EFHC1: variants seen among roughly 807,000 people sequenced by gnomAD.
EFHC1 encodes EF-hand domain-containing protein 1.
In EFHC1, 53 loss-of-function variants were observed where a neutral mutation model predicts 69.9. That is an observed-to-expected ratio of 0.76 (90% CI 0.61 to 0.95). EFHC1 has a LOEUF of 0.95. EFHC1 is among the 40% of genes least tolerant of loss of function. The pLI is 0.00. For missense variants in EFHC1, 739 were observed against 798.7 expected (o/e 0.93, Z 0.90); for synonymous variants, 256 against 278.4 (o/e 0.92, Z 0.80).
intron 1 of EFHC1, 146 bp downstream of exon 1, chr6:52,420,619 G>T: frequency 9.7e-7 from 1 of 1,033,696 alleles, no homozygotes; most frequent in East Asian, 2.6e-5. Flanking sequence ...TCTTTATTCT[G>T]GGCCGAACTT....
rs969386061 is a variant in EFHC1 at position 52,494,691 on chromosome 6, C to G, written c.*2350C>G. 5.1e-5 allele frequency: 23 copies of G among 453,856 alleles called. No homozygotes were observed. The highest frequency in any genetic ancestry group is 2.1e-4 in the Admixed American group (9 of 42,536). The allele number at this position is 453,856 out of a possible 1,614,324, so 28.1% of individuals were successfully genotyped here. On this transcript the variant is annotated 3_prime_UTR_variant, in exon 11 of 11. Transcript: ENST00000371068. ...GTAAGTAGTTTTTCCACACATACCCCCTCCTTCCCTTCCCACTCTGGTAGT... is the reference window on the plus strand; with the variant it reads ...GTAAGTAGTTTTTCCACACATACCCGCTCCTTCCCTTCCCACTCTGGTAGT...
chr6:52,491,473 T>C (rs1331628178), intron 10 of EFHC1, among the ~76,000 whole-genome samples: 1 of 152,216 alleles, frequency 6.6e-6, no homozygotes, highest in Non-Finnish European at 1.5e-5. Flanking sequence ...GCCTGCTATT[T>C]AAAAAGTCTT....
In EFHC1 at chr6:52,494,063, C is replaced by T. The variant is rs564653215; in HGVS notation, c.*1722C>T. 5.7e-4 allele frequency: 237 copies of T among 419,270 alleles called. 1 individual carries two copies. The highest frequency in any genetic ancestry group is 2.6e-3 in the African/African-American group (100 of 39,142). The allele number at this position is 419,270 out of a possible 1,614,324, so 26.0% of individuals were successfully genotyped here. ...TGTTTTGTTTTGTTTTACCCTCAGT[C>T]GCTCATAACTATTTAAAACAGTATC... On this transcript the variant is annotated 3_prime_UTR_variant, in exon 11 of 11. Transcript: ENST00000371068.
chr6:52,495,644 G>A lies in EFHC1; in HGVS notation c.*3303G>A, dbSNP rs1216701646. On this transcript the variant is annotated 3_prime_UTR_variant, in exon 11 of 11. Coordinates refer to ENST00000371068, the MANE Select transcript of EFHC1 (RefSeq NM_018100.4). ...TTACTCTGTTGCCAGACTGGAATGC[G>A]GTGGTGTGACCATAGCTCACTGCAG... The A allele has an allele frequency of 4.4e-6, 2 of 451,200 alleles. No homozygotes were observed. The highest frequency in any genetic ancestry group is 2.4e-5 in the Admixed American group (1 of 42,426). The allele number at this position is 451,200 out of a possible 1,614,324, so 27.9% of individuals were successfully genotyped here.
intron 5 of EFHC1, among the ~76,000 whole-genome samples, chr6:52,461,908 A>G (rs1451898158): frequency 6.6e-6 from 1 of 152,178 alleles, no homozygotes; most frequent in Non-Finnish European, 1.5e-5. Context: ...ATAATTCTAA[A>G]CTTGAATGCA....
chr6:52,470,060 CATTTT>C (rs1562459002), intron 7 of EFHC1, among the ~76,000 whole-genome samples: 1 of 152,040 alleles, frequency 6.6e-6, no homozygotes, highest in Non-Finnish European at 1.5e-5. Flanking sequence ...GGAACCTAAC[CATTTT>C]ATTAGAAATA....
chr6:52,469,244 G>T, intron 6 of EFHC1, 89 bp from the exon 7 acceptor site: 1 of 1,501,820 alleles, frequency 6.7e-7, no homozygotes. Flanking sequence ...GTATTTTCTA[G>T]AGTTTTTTCT....
At chr6:52,490,098 G>A (rs1401512213) in intron 9 of EFHC1, 42 bp from the exon 10 acceptor site, 1 of 1,579,856 alleles carries the variant, frequency 6.3e-7, no homozygotes. Flanking sequence ...GACTGATCAA[G>A]AATAAATACC....
At chr6:52,428,239 C>T (rs1764342448) in intron 2 of EFHC1, 2 of 152,092 alleles carry the variant, frequency 1.3e-5, no homozygotes, top group Admixed American at 1.3e-4. Context: ...TGTTTGGTTA[C>T]ATGAGTAAGT....
At chr6:52,443,059 G>C (rs546124823) in intron 3 of EFHC1, among the ~76,000 whole-genome samples, 1 of 152,280 alleles carries the variant, frequency 6.6e-6, no homozygotes, top group Non-Finnish European at 1.5e-5. Flanking sequence ...ATTTTTTCAC[G>C]TATCTGTTGG....
intron 7 of EFHC1, among the ~76,000 whole-genome samples, chr6:52,469,974 G>A (rs1765398280): frequency 6.6e-6 from 1 of 152,138 alleles, no homozygotes; most frequent in South Asian, 2.1e-4. Flanking sequence ...CCATTAATTA[G>A]CAGAATTGTA....
At chr6:52,422,121 G>A (rs1039014892) in intron 1 of EFHC1, among the ~76,000 whole-genome samples, 1 of 152,138 alleles carries the variant, frequency 6.6e-6, no homozygotes, top group African/African-American at 2.4e-5. Context: ...AATTTTTAAA[G>A]GGGAGTGGGA....
chr6:52,463,553 C>T (rs1214620877), intron 5 of EFHC1, among the ~76,000 whole-genome samples: 4 of 152,072 alleles, frequency 2.6e-5, no homozygotes, highest in Admixed American at 1.3e-4. Context: ...TTAAAAAGGC[C>T]AGTGAAACCA....
chr6:52,454,306 A>T lies in EFHC1; in HGVS notation c.916+19A>T. The T allele has an allele frequency of 2.5e-6, 4 of 1,613,916 alleles. No homozygotes were observed. The highest frequency in any genetic ancestry group is 3.4e-6 in the Non-Finnish European group (4 of 1,179,814). Reference sequence around the variant, plus strand: ...AATGCAAGTATGTTTGATTCAGTTTATTCTCTGTTACTTGGGATGTTTTTA... The same window carrying T: ...AATGCAAGTATGTTTGATTCAGTTTTTTCTCTGTTACTTGGGATGTTTTTA... On this transcript the variant is annotated intron_variant, in intron 5 of 10. Transcript: ENST00000371068.
chr6:52,449,796 G>A (rs927052258), intron 3 of EFHC1, among the ~76,000 whole-genome samples: 1 of 152,126 alleles, frequency 6.6e-6, no homozygotes, highest in African/African-American at 2.4e-5. Context: ...GGTTTTTTGT[G>A]TCTTGATTTC....
intron 10 of EFHC1, among the ~76,000 whole-genome samples, chr6:52,491,169 A>C (rs866297955): frequency 3.2e-4 from 49 of 152,206 alleles, no homozygotes; most frequent in African/African-American, 1.2e-3. Flanking sequence ...GGCAGATAGA[A>C]GAGTATTTGT....
At chr6:52,447,473 T>C (rs537324463) in intron 3 of EFHC1, among the ~76,000 whole-genome samples, 28 of 152,366 alleles carry the variant, frequency 1.8e-4, no homozygotes, top group South Asian at 1.4e-3. Flanking sequence ...CTAATCTTTT[T>C]TTCAAGGTTT....
At chr6:52,468,272 T>C (rs1765354354) in intron 6 of EFHC1, 1 of 152,202 alleles carries the variant, frequency 6.6e-6, no homozygotes, top group African/African-American at 2.4e-5. Context: ...AAGTGGATCA[T>C]ATGAGCAGGA....
chr6:52,453,795 C>T, intron 4 of EFHC1: 1 of 1,283,300 alleles, frequency 7.8e-7, no homozygotes, highest in Non-Finnish European at 1.0e-6. Flanking sequence ...AACTTCATTG[C>T]TCTTTTAATT....
Sources: gnomAD v4.1 joint callset for allele counts (sites outside exome capture counted in the v4.1 genomes callset) on GRCh38, gnomAD v4.1.1 for gene constraint, MANE v1.5 for transcripts, NCBI Gene and HGNC (gene_info 2026-07-23, HGNC 2026-07-21) for gene names.